The following AFG2A variants were observed in gnomAD, a reference collection of about 807,000 sequenced individuals.
AFG2A encodes the protein AAA ATPase AFG2A.
the AFG2A span, among the ~76,000 whole-genome samples, chr4:123,258,858 CTTTTTTTTTTT>C: frequency 1.1e-5 from 1 of 90,328 alleles, no homozygotes. Context: ...GATACTGGTA[CTTTTTTTTTTT>C]TTTTTTTTTT....
At chr4:123,100,042 C>T in the AFG2A span, among the ~76,000 whole-genome samples, 1 of 151,790 alleles carries the variant, frequency 6.6e-6, no homozygotes, top group Non-Finnish European at 1.5e-5. Context: ...ATGTTGCTGT[C>T]AATACCCAAG....
At chr4:123,037,351 T>C in the AFG2A span, among the ~76,000 whole-genome samples, 1 of 152,120 alleles carries the variant, frequency 6.6e-6, no homozygotes, top group African/African-American at 2.4e-5. Flanking sequence ...TTTTTGTTAT[T>C]TTGTAAACTT....
chr4:123,279,525 T>G, the AFG2A span, among the ~76,000 whole-genome samples: 1 of 152,208 alleles, frequency 6.6e-6, no homozygotes, highest in South Asian at 2.1e-4. Flanking sequence ...AAGGTAAATT[T>G]GAATCCCATC....
At chr4:123,173,362 T>G in the AFG2A span, among the ~76,000 whole-genome samples, 1 of 131,904 alleles carries the variant, frequency 7.6e-6, no homozygotes, top group South Asian at 2.7e-4. Flanking sequence ...TTTTTTTTTT[T>G]TTTTTTTTTT....
At chr4:123,212,937 C>T in the AFG2A span, among the ~76,000 whole-genome samples, 3 of 152,080 alleles carry the variant, frequency 2.0e-5, no homozygotes, top group Non-Finnish European at 4.4e-5. Context: ...TATAAAATAA[C>T]ACAGAGCCTG....
chr4:123,293,108 A>T, the AFG2A span, among the ~76,000 whole-genome samples: 2 of 152,204 alleles, frequency 1.3e-5, no homozygotes, highest in African/African-American at 4.8e-5. Context: ...ATCTGCAGAA[A>T]TGCTGACATT....
chr4:123,152,820 A>T, the AFG2A span, among the ~76,000 whole-genome samples: 3 of 152,246 alleles, frequency 2.0e-5, no homozygotes, highest in Admixed American at 2.0e-4. Context: ...TAGGAGCTTT[A>T]TTCATAATTG....
the AFG2A span, among the ~76,000 whole-genome samples, chr4:123,189,940 G>T: frequency 6.7e-6 from 1 of 149,028 alleles, no homozygotes; most frequent in Non-Finnish European, 1.5e-5. Context: ...CAAGTAGCTG[G>T]AACCACAGGC....
chr4:122,992,031 A>G, the AFG2A span, among the ~76,000 whole-genome samples: 1 of 152,236 alleles, frequency 6.6e-6, no homozygotes, highest in Non-Finnish European at 1.5e-5. Context: ...GATAGTTACA[A>G]ACTACATCAA....
At chr4:123,111,707 ACTTCTTCTTCTT>A in the AFG2A span, among the ~76,000 whole-genome samples, 2 of 150,462 alleles carry the variant, frequency 1.3e-5, no homozygotes, top group Non-Finnish European at 3.0e-5. Context: ...TTTGTATTAT[ACTTCTTCTTCTT>A]CTTCTTCTTC....
chr4:123,054,401 GA>G, the AFG2A span, among the ~76,000 whole-genome samples: 1 of 131,716 alleles, frequency 7.6e-6, no homozygotes, highest in Non-Finnish European at 1.6e-5. Context: ...TTGCTACACA[GA>G]ATATATTGAG....
chr4:123,170,611 A>G, the AFG2A span, among the ~76,000 whole-genome samples: 1 of 152,190 alleles, frequency 6.6e-6, no homozygotes, highest in Non-Finnish European at 1.5e-5. Context: ...AACTTAGGGT[A>G]AAGGCTATTT....
At chr4:122,938,807 G>T in the AFG2A span, among the ~76,000 whole-genome samples, 1 of 151,994 alleles carries the variant, frequency 6.6e-6, no homozygotes, top group Non-Finnish European at 1.5e-5. Context: ...ATGTTGGCCA[G>T]GCTGGTCTCG....
chr4:123,124,218 G>A, the AFG2A span, among the ~76,000 whole-genome samples: 1 of 152,090 alleles, frequency 6.6e-6, no homozygotes, highest in Non-Finnish European at 1.5e-5. Context: ...GTTCACAATA[G>A]CAAAGACTTG....
the AFG2A span, among the ~76,000 whole-genome samples, chr4:122,994,445 G>A: frequency 6.6e-6 from 1 of 152,014 alleles, no homozygotes; most frequent in African/African-American, 2.4e-5. Flanking sequence ...GTGATAAGTG[G>A]CATTCTTAAC....
At chr4:123,220,883 ATGAGGTTAATTT>A in the AFG2A span, among the ~76,000 whole-genome samples, 334 of 152,288 alleles carry the variant, frequency 2.2e-3, 2 homozygotes, top group Middle Eastern at 0.014. Context: ...ACATGTTTTT[ATGAGGTTAATTT>A]ATGTGGTGTC....
the AFG2A span, among the ~76,000 whole-genome samples, chr4:122,966,940 T>C: frequency 0.012 from 1,834 of 152,264 alleles, 41 homozygotes; most frequent in African/African-American, 0.041. Context: ...GAGTTAATAT[T>C]GAAAAGAGTG....
the AFG2A span, among the ~76,000 whole-genome samples, chr4:123,181,373 G>C: frequency 6.6e-6 from 1 of 152,042 alleles, no homozygotes; most frequent in African/African-American, 2.4e-5. Flanking sequence ...GGCACTTTGG[G>C]AGGCAAGGTG....
At chr4:122,984,313 CTT>C in the AFG2A span, among the ~76,000 whole-genome samples, 1 of 152,122 alleles carries the variant, frequency 6.6e-6, no homozygotes, top group Non-Finnish European at 1.5e-5. Context: ...TATCTGGAAA[CTT>C]TGCTGAATGC....
Sources: gnomAD v4.1 joint callset for allele counts (sites outside exome capture counted in the v4.1 genomes callset) on GRCh38, gnomAD v4.1.1 for gene constraint, MANE v1.5 for transcripts, NCBI Gene and HGNC (gene_info 2026-07-23, HGNC 2026-07-21) for gene names.